Variants in FBXO34 observed in about 807,000 individuals in gnomAD.
FBXO34 encodes F-box only protein 34.
FBXO34 carries 12 observed loss-of-function variants against 24.5 expected under a neutral mutation model. The observed-to-expected ratio is 0.49, with a 90% CI of 0.31 to 0.79. FBXO34 has a LOEUF of 0.79. Among genes scored for constraint, FBXO34 ranks in the 30% least tolerant of loss-of-function variants. The pLI, the probability that FBXO34 is intolerant of heterozygous loss-of-function variation, is 0.04. For synonymous variants in FBXO34, 320 were observed against 311.9 expected (o/e 1.03, Z -0.27); for missense variants, 823 against 857.7 (o/e 0.96, Z 0.51).
At chr14:55,411,771 C>G in the FBXO34 span, 3 of 1,605,642 alleles carry the variant, frequency 1.9e-6, no homozygotes, top group South Asian at 1.1e-5. Flanking sequence ...GGCCGGGGCC[C>G]GCAGCCAGGA....
At chr14:55,290,681 A>G (rs1182985183) in intron 1 of FBXO34, among the ~76,000 whole-genome samples, 1 of 152,240 alleles carries the variant, frequency 6.6e-6, no homozygotes, top group Non-Finnish European at 1.5e-5. Flanking sequence ...CTGTCACTTC[A>G]TAGCAGTTTG....
chr14:55,385,989 C>T, the FBXO34 span: 4 of 1,614,118 alleles, frequency 2.5e-6, no homozygotes, highest in Non-Finnish European at 3.4e-6. Context: ...ACCAGGTCAC[C>T]AAGTTTGCGA....
the FBXO34 span, among the ~76,000 whole-genome samples, chr14:55,408,252 A>G: frequency 6.6e-6 from 1 of 151,688 alleles, no homozygotes; most frequent in African/African-American, 2.4e-5. Flanking sequence ...CCAGAGTCCA[A>G]GACCAGCCTG....
At chr14:55,413,629 G>T in the FBXO34 span, 1 of 424,480 alleles carries the variant, frequency 2.4e-6, no homozygotes, top group Non-Finnish European at 4.7e-6. Context: ...GCTTGTCTGG[G>T]TGGAGCAGGC....
rs1884456763 is a variant in FBXO34, at chr14:55,353,300, C to G, written c.*774C>G. 1 of 165,856 alleles carries G rather than the reference C, an allele frequency of 6.0e-6. No individual in the cohort carries two copies. The highest frequency in any genetic ancestry group is 2.4e-5 in the African/African-American group (1 of 40,990). 10.3% of individuals were successfully genotyped at this position (165,856 alleles called of 1,614,324 possible). A position where few individuals can be genotyped will look rare whatever the true frequency, so the allele number is the denominator to read the frequency against. ...TGTTTTTTTTTTTTAATTGTCTAGTCTTAAATTTGTACATCTTGTATAAAA... is the reference window on the plus strand; with the variant it reads ...TGTTTTTTTTTTTTAATTGTCTAGTGTTAAATTTGTACATCTTGTATAAAA... On this transcript the variant is annotated 3_prime_UTR_variant, in exon 2 of 2. Coordinates refer to ENST00000313833, the MANE Select transcript of FBXO34 (RefSeq NM_017943.4).
At chr14:55,276,033 A>G (rs1594718726) in intron 1 of FBXO34, among the ~76,000 whole-genome samples, 1 of 152,184 alleles carries the variant, frequency 6.6e-6, no homozygotes, top group Non-Finnish European at 1.5e-5. Flanking sequence ...GCTTCCTTAG[A>G]GGCAAGAACA....
the FBXO34 span, among the ~76,000 whole-genome samples, chr14:55,393,866 A>T: frequency 6.6e-6 from 1 of 151,908 alleles, no homozygotes; most frequent in Non-Finnish European, 1.5e-5. Context: ...TTATAAGAGT[A>T]TATTTATATT....
the FBXO34 span, among the ~76,000 whole-genome samples, chr14:55,419,881 C>A: frequency 1.3e-5 from 2 of 152,146 alleles, no homozygotes; most frequent in African/African-American, 4.8e-5. Flanking sequence ...TTTACATTTT[C>A]TAGGCAAGTT....
the FBXO34 span, among the ~76,000 whole-genome samples, chr14:55,407,932 G>C: frequency 6.6e-6 from 1 of 152,086 alleles, no homozygotes; most frequent in East Asian, 1.9e-4. Context: ...AAACGGCAAG[G>C]AAAAAGCCCC....
chr14:55,302,291 GAGATAGAT>G lies in FBXO34; in HGVS notation c.-11+30757_-11+30764del, dbSNP rs748078439. 1.3e-5 allele frequency among the ~76,000 whole-genome samples: 2 copies of G among 152,282 alleles called. 1 individual carries two copies. The highest frequency in any genetic ancestry group is 4.8e-5 in the African/African-American group (2 of 41,546). The stretch of plus-strand genomic sequence containing the variant: ...AATATATTTCTCTGTCAGCTATATA[GAGATAGAT>G]AGGTAGATAGGTAGATTTGGACCTG... On this transcript the variant is annotated intron_variant, in intron 1 of 1. Transcript: ENST00000313833.
the FBXO34 span, among the ~76,000 whole-genome samples, chr14:55,392,628 G>A: frequency 3.0e-5 from 4 of 132,942 alleles, no homozygotes; most frequent in African/African-American, 1.1e-4. Context: ...CAGCCTGGGT[G>A]ATATAGCAAG....
At chr14:55,379,941 A>T in the FBXO34 span, among the ~76,000 whole-genome samples, 2 of 152,092 alleles carry the variant, frequency 1.3e-5, no homozygotes, top group African/African-American at 4.8e-5. Flanking sequence ...ATTAAAAAAC[A>T]ACAACAACAA....
the FBXO34 span, among the ~76,000 whole-genome samples, chr14:55,376,697 T>C: frequency 1.2e-4 from 18 of 152,162 alleles, no homozygotes; most frequent in Admixed American, 1.2e-3. Context: ...AGTAGATGGA[T>C]GATGCGGAAG....
chr14:55,420,140 G>T, the FBXO34 span, among the ~76,000 whole-genome samples: 11 of 152,080 alleles, frequency 7.2e-5, no homozygotes, highest in Non-Finnish European at 1.5e-4. Flanking sequence ...GCACGATCTC[G>T]GCTCACTGCA....
downstream of FBXO34, among the ~76,000 whole-genome samples, chr14:55,356,626 A>T (rs8011808): frequency 0.55 from 83,329 of 150,208 alleles, 26,082 homozygotes; most frequent in African/African-American, 0.87. Flanking sequence ...TGATTTTTTT[A>T]TTTTTTTATT....
chr14:55,427,625 C>A, the FBXO34 span, among the ~76,000 whole-genome samples: 5 of 152,080 alleles, frequency 3.3e-5, no homozygotes, highest in African/African-American at 1.2e-4. Flanking sequence ...AGGTGTATAT[C>A]TTGGTGAGTC....
the FBXO34 span, among the ~76,000 whole-genome samples, chr14:55,380,156 G>C: frequency 6.6e-6 from 1 of 152,152 alleles, no homozygotes; most frequent in Non-Finnish European, 1.5e-5. Flanking sequence ...GCTGAGGAGG[G>C]AGGATTGCCT....
At chr14:55,426,092 C>A in the FBXO34 span, among the ~76,000 whole-genome samples, 1 of 151,918 alleles carries the variant, frequency 6.6e-6, no homozygotes, top group Non-Finnish European at 1.5e-5. Flanking sequence ...TATGGTAAAA[C>A]CTCGTCTCTA....
At chr14:55,283,991 T>C (rs1881663564) in intron 1 of FBXO34, among the ~76,000 whole-genome samples, 1 of 151,688 alleles carries the variant, frequency 6.6e-6, no homozygotes. Flanking sequence ...TGTGTGTGTA[T>C]GTGTATGTAT....
Sources: allele counts gnomAD v4.1 joint callset (sites outside exome capture counted in the v4.1 genomes callset), GRCh38; gene constraint gnomAD v4.1.1; transcripts MANE v1.5; gene names NCBI Gene and HGNC (gene_info 2026-07-23, HGNC 2026-07-21).